The following OTOF variants were observed in gnomAD, a reference collection of about 807,000 sequenced individuals.
OTOF encodes otoferlin.
Under a neutral mutation model 236.8 loss-of-function variants are expected in OTOF, and 218 were observed. The ratio of observed to expected loss-of-function variants is 0.92; its 90% CI spans 0.82 to 1.03. OTOF has a LOEUF of 1.03. Among genes scored for constraint, OTOF ranks in the 50% least tolerant of loss-of-function variants. The probability of loss-of-function intolerance (pLI) is 0.00; values close to 1 mark genes in which losing one functional copy is unlikely to be tolerated. For missense variants in OTOF, 2,590 were observed against 2,694.4 expected (o/e 0.96, Z 0.86); for synonymous variants, 1,041 against 1,072.5 (o/e 0.97, Z 0.57).
intron 5 of OTOF, among the ~76,000 whole-genome samples, chr2:26,515,317 G>C (rs1251421369): frequency 6.6e-6 from 1 of 152,246 alleles, no homozygotes; most frequent in Non-Finnish European, 1.5e-5. Flanking sequence ...CTGGCCTGGA[G>C]TAGACAGTCC....
chr2:26,549,000 T>C (rs551392786), intron 1 of OTOF, among the ~76,000 whole-genome samples: 5 of 152,232 alleles, frequency 3.3e-5, no homozygotes, highest in Non-Finnish European at 5.9e-5. Flanking sequence ...GGTATCTTTT[T>C]AAGGCAGAAA....
At position 26,464,915 on chromosome 2, in the gene OTOF, C is replaced by A; in HGVS notation, c.4914G>T (p.Val1638=). 1.3e-6 allele frequency: 2 copies of A among 1,595,746 alleles called. No individual in the cohort carries two copies. The highest frequency in any genetic ancestry group is 1.7e-5 in the Admixed American group (1 of 58,560). The change falls in exon 39 of 47, where the codon GTG becomes GTT. Residue 1638 remains valine (V), a synonymous_variant. Transcript: ENST00000272371. ...PHFGPPGRVK[V]ANRVFTGPSE... ...AGGGCCCAGTGAAGACGCGGTTGGC[C>A]ACCTTCACTCTCCCAGGGGGCCCAA...
chr2:26,473,499 G>A lies in OTOF; in HGVS notation c.3477C>T (p.Asp1159=), dbSNP rs1223561353. 4 of 1,612,970 alleles carry A rather than the reference G, an allele frequency of 2.5e-6. 1 individual carries two copies. The Admixed American group carries it at 6.7e-5, about 27-fold the overall frequency. Residue 1159 remains aspartate, a synonymous_variant, in exon 28 of 47, where the codon GAC becomes GAT. Coordinates refer to ENST00000272371, the MANE Select transcript of OTOF (RefSeq NM_194248.3). The surrounding 1 kb of genome is among the most constrained non-coding windows in gnomAD (Gnocchi z 7.2). Reference sequence around the variant, plus strand: ...GCACCCCCTTCCCTGCACACTCGATGTCCACCCGTGGCCGGTCCACCTGGG... The same window carrying A: ...GCACCCCCTTCCCTGCACACTCGATATCCACCCGTGGCCGGTCCACCTGGG... ...NLAQVDRPRV[D]IECAGKGVQS...
chr2:26,470,475 T>A lies in OTOF; in HGVS notation c.4023+118A>T. ...ATTTCAAGGATGTGAGACAAAACCA[T>A]CCCAAACTCACATGAATGGAGTTGG... On this transcript the variant is annotated intron_variant, in intron 32 of 46. Coordinates refer to ENST00000272371, the MANE Select transcript of OTOF (RefSeq NM_194248.3). This position sits in a 1 kb window ranked among gnomAD's most constrained non-coding sequence, Gnocchi z 4.3. The A allele has an allele frequency of 9.8e-7, 1 of 1,024,644 alleles. No homozygotes were observed. 63.5% of individuals were successfully genotyped at this position (1,024,644 alleles called of 1,614,324 possible).
rs145249760 is a variant in OTOF, at chr2:26,514,490, C to G, written c.509+1928G>C. On this transcript the variant is annotated intron_variant, in intron 5 of 46. Transcript: ENST00000272371. The stretch of plus-strand genomic sequence containing the variant: ...GCCCCCATCAGCACCCTGGCCCACT[C>G]TCTTAGGACTGAGTGAGAAACTGGC... Among the ~76,000 whole-genome samples, 220 of 152,364 alleles carry G rather than the reference C, an allele frequency of 1.4e-3. 1 individual carries two copies. The highest frequency in any genetic ancestry group is 4.9e-3 in the African/African-American group (205 of 41,598).
intron 14 of OTOF, 114 bp from the exon 15 acceptor site, chr2:26,481,123 T>G (rs1306751121): frequency 2.7e-6 from 2 of 733,984 alleles, no homozygotes; most frequent in African/African-American, 3.5e-5. Flanking sequence ...AGCTGAGAAC[T>G]TCATGTGTGC....
intron 1 of OTOF, among the ~76,000 whole-genome samples, chr2:26,552,156 G>A (rs1667477993): frequency 6.6e-6 from 1 of 151,410 alleles, no homozygotes; most frequent in Non-Finnish European, 1.5e-5. Flanking sequence ...TTGGGAGGCT[G>A]AGCCAGGCAG....
chr2:26,502,494 C>G lies in OTOF; in HGVS notation c.584-68G>C. 2.7e-6 allele frequency: 4 copies of G among 1,509,318 alleles called. No individual in the cohort carries two copies. In the South Asian group the frequency reaches 4.7e-5, roughly 18 times the overall value. The allele number at this position is 1,509,318 out of a possible 1,614,324, so 93.5% of individuals were successfully genotyped here. On this transcript the variant is annotated intron_variant, in intron 6 of 46. Transcript: ENST00000272371. The stretch of plus-strand genomic sequence containing the variant: ...GAGATAGTGACCATTTCTCCTTTTA[C>G]TCTGGCATCCAGAAAGCTGAGAGTT...
intron 1 of OTOF, among the ~76,000 whole-genome samples, chr2:26,556,101 A>G (rs1377378038): frequency 6.6e-6 from 1 of 152,186 alleles, no homozygotes; most frequent in African/African-American, 2.4e-5. Flanking sequence ...GCTCTGGCCT[A>G]CCTAGGGCCA....
Position 26,461,564 on chromosome 2 carries a change from C to A in OTOF, c.5533+132G>T. 1 of 1,289,586 alleles carries A rather than the reference C, an allele frequency of 7.8e-7. No homozygotes were observed. The highest frequency in any genetic ancestry group is 1.1e-6 in the Non-Finnish European group (1 of 916,968). The allele number at this position is 1,289,586 out of a possible 1,614,324, so 79.9% of individuals were successfully genotyped here. On this transcript the variant is annotated intron_variant, in intron 43 of 46. Transcript: ENST00000272371. This position sits in a 1 kb window ranked among gnomAD's most constrained non-coding sequence, Gnocchi z 6.2. ...TTGGGGGCGGAACCCCGTCGGACAC[C>A]CCTGGCTCTGATGGACTGGAAGCAA...
rs1289799309 is a variant in OTOF, at chr2:26,472,514, C to A, written c.3864+5G>T. 1.9e-6 allele frequency: 3 copies of A among 1,613,486 alleles called. No homozygotes were observed. The highest frequency in any genetic ancestry group is 2.2e-5 in the South Asian group (2 of 91,078). On this transcript the variant is annotated splice_donor_5th_base_variant and intron_variant, in intron 30 of 46. Transcript: ENST00000272371. ...CCAGCAGGGGGCTGACCCCACCCGC[C>A]TTACCGCGTCCAGCTTCACCATGGT...
chr2:26,540,923 C>G (rs1274194973), intron 1 of OTOF, among the ~76,000 whole-genome samples: 2 of 152,162 alleles, frequency 1.3e-5, no homozygotes, highest in Non-Finnish European at 2.9e-5. Flanking sequence ...AACAAGCCCC[C>G]GGGCAATCAA....
At chr2:26,530,511 A>T (rs1311632209) in intron 2 of OTOF, among the ~76,000 whole-genome samples, 1 of 152,126 alleles carries the variant, frequency 6.6e-6, no homozygotes, top group Non-Finnish European at 1.5e-5. Context: ...GTGAGGGAGA[A>T]GACAGGGTCC....
chr2:26,505,625 C>T (rs1484820577), intron 5 of OTOF, among the ~76,000 whole-genome samples: 1 of 152,232 alleles, frequency 6.6e-6, no homozygotes, highest in African/African-American at 2.4e-5. Flanking sequence ...CGCGAGGTCA[C>T]ACGGTGAGTG....
rs550446099 is a variant in OTOF, at chr2:26,461,622, C to T, written c.5533+74G>A. 17 of 1,593,178 alleles carry T rather than the reference C, an allele frequency of 1.1e-5. No homozygotes were observed. The highest frequency in any genetic ancestry group is 3.3e-4 in the Middle Eastern group (2 of 6,014). On this transcript the variant is annotated intron_variant, in intron 43 of 46. Transcript: ENST00000272371. The surrounding 1 kb of genome is among the most constrained non-coding windows in gnomAD (Gnocchi z 6.2). ...TTGTCCCCCCAAGGCAGGGCTCTCC[C>T]TGTCCCCGCCAACCCGGCCCCTGCC...
In OTOF at chr2:26,460,170, G is replaced by A. The variant is rs1443690498; in HGVS notation, c.5849C>T (p.Pro1950Leu). ...CAAGAAGTAGCGAGCCGACTTGAGA[G>A]GGTTCAGGAACCAGATGAAGCTCGT... ...PDTSFIWFLN[P>L]LKSARYFLWH... The change falls in exon 46 of 47, where the codon CCT becomes CTT. Residue 1950 changes from proline to leucine, a missense_variant. Physicochemically the swap from Pro to Leu is moderately conservative, Grantham distance 98 (BLOSUM62 -3). This residue lies in a region of OTOF where 1,211 missense variants were observed against 1,352.8 expected (regional missense o/e 0.90). Transcript: ENST00000272371. This position sits in a 1 kb window ranked among gnomAD's most constrained non-coding sequence, Gnocchi z 5.3. 2 of 1,605,444 alleles carry A rather than the reference G, an allele frequency of 1.2e-6. No individual in the cohort carries two copies. Among genetic ancestry groups the A allele is most frequent in the Non-Finnish European group, 1.7e-6 (2 of 1,176,510 alleles).
In OTOF at chr2:26,473,627, A is replaced by G. The variant is rs560482769; in HGVS notation, c.3409-60T>C. ...AGCCCCTTAGTCAAGGGAGCCAGCC[A>G]TGGGGGTGCTGGACCATCCAATAGG... is the stretch of plus-strand genomic sequence containing the variant. On this transcript the variant is annotated intron_variant, in intron 27 of 46. Coordinates refer to ENST00000272371, the MANE Select transcript of OTOF (RefSeq NM_194248.3). This position sits in a 1 kb window ranked among gnomAD's most constrained non-coding sequence, Gnocchi z 7.2. 6.5e-7 allele frequency: 1 copy of G among 1,533,572 alleles called. No individual in the cohort carries two copies. Among genetic ancestry groups the G allele is most frequent in the East Asian group, 2.3e-5 (1 of 44,370 alleles). 95.0% of individuals were successfully genotyped at this position (1,533,572 alleles called of 1,614,324 possible).
intron 3 of OTOF, among the ~76,000 whole-genome samples, chr2:26,525,254 G>A (rs1666772577): frequency 1.3e-5 from 2 of 152,178 alleles, no homozygotes; most frequent in African/African-American, 2.4e-5. Context: ...CCCATACTCA[G>A]CTGAGATTTT....
At chr2:26,482,916 CGT>C (rs1166649462) in intron 13 of OTOF, among the ~76,000 whole-genome samples, 2 of 90,566 alleles carry the variant, frequency 2.2e-5, no homozygotes, top group South Asian at 4.1e-4. Context: ...TGCATGTGTG[CGT>C]GTGAGTGGGT....
Sources: gnomAD v4.1 joint callset for allele counts (sites outside exome capture counted in the v4.1 genomes callset) on GRCh38, gnomAD v4.1.1 for gene constraint, gnomAD v4.1.1 regional missense constraint, Gnocchi (gnomAD v3.1) non-coding constraint, MANE v1.5 for transcripts, NCBI Gene and HGNC (gene_info 2026-07-23, HGNC 2026-07-21) for gene names.